Variants in ARHGAP44 observed in about 807,000 individuals in gnomAD.
ARHGAP44 encodes Rho GTPase activating protein 44.
Under a neutral mutation model 106.8 loss-of-function variants are expected in ARHGAP44, and 43 were observed. That is an observed-to-expected ratio of 0.40 (90% CI 0.32 to 0.52). The LOEUF (loss-of-function observed/expected upper bound fraction) is 0.52, where lower values mean the gene tolerates loss of function less well. ARHGAP44 is among the 20% of genes least tolerant of loss of function. The probability of loss-of-function intolerance (pLI) is 0.48; values close to 1 mark genes in which losing one functional copy is unlikely to be tolerated. For missense variants in ARHGAP44, 866 were observed against 1,050.5 expected (o/e 0.82, Z 2.43); for synonymous variants, 439 against 410.3 (o/e 1.07, Z -0.85).
At chr17:12,926,443 A>G (rs1331549985) in intron 6 of ARHGAP44, among the ~76,000 whole-genome samples, 5 of 122,836 alleles carry the variant, frequency 4.1e-5, no homozygotes, top group African/African-American at 1.4e-4. Context: ...ATATATGTAT[A>G]TACATAATAT....
chr17:12,974,331 T>C, intron 18 of ARHGAP44, 21 bp downstream of exon 18: 2 of 1,386,590 alleles, frequency 1.4e-6, no homozygotes, highest in Non-Finnish European at 1.9e-6. Flanking sequence ...GCCACTGCCG[T>C]CCGGGCGGGC....
rs1241006958 is a variant in ARHGAP44 at position 12,990,074 on chromosome 17, G to C, written c.2360G>C (p.Gly787Ala). ...ATTCCCTCGATCCACATAGAGCTCG[G>C]GTCGACGCTCCGCCTGAGTCCCCTG... is the stretch of plus-strand genomic sequence containing the variant. Reference protein sequence around the residue: ...FDIPSIHIELGSTLRLSPLEH... With the variant: ...FDIPSIHIELASTLRLSPLEH... The change falls in exon 21 of 21, where the codon GGG (glycine) becomes GCG (alanine). Residue 787 changes from glycine (G) to alanine (A), a missense_variant. Transcript: ENST00000379672. The C allele has an allele frequency of 6.2e-6, 10 of 1,612,786 alleles. No homozygotes were observed. The highest frequency in any genetic ancestry group is 6.8e-6 in the Non-Finnish European group (8 of 1,179,034).
At chr17:12,835,604 G>T (rs1224265164) in intron 1 of ARHGAP44, among the ~76,000 whole-genome samples, 2 of 134,850 alleles carry the variant, frequency 1.5e-5, no homozygotes, top group East Asian at 4.2e-4. Context: ...ACGTGGCATG[G>T]TCACAATTGC....
intron 1 of ARHGAP44, among the ~76,000 whole-genome samples, chr17:12,870,062 T>C (rs1278041201): frequency 7.0e-6 from 1 of 142,414 alleles, no homozygotes; most frequent in Non-Finnish European, 1.6e-5. Flanking sequence ...TTTTTTTTTT[T>C]TTTTGAGATA....
chr17:12,921,477 GC>G (rs1472348440), intron 6 of ARHGAP44, among the ~76,000 whole-genome samples: 1 of 152,132 alleles, frequency 6.6e-6, no homozygotes, highest in Non-Finnish European at 1.5e-5. Flanking sequence ...CTCCCAAGTA[GC>G]TGGGACTACA....
chr17:12,801,681 G>C (rs970698096), intron 1 of ARHGAP44, among the ~76,000 whole-genome samples: 5 of 152,122 alleles, frequency 3.3e-5, no homozygotes, highest in Non-Finnish European at 4.4e-5. Context: ...GTTTATGATA[G>C]GGAACAGGAT....
chr17:12,910,629 A>T (rs2037700379), intron 4 of ARHGAP44, among the ~76,000 whole-genome samples: 1 of 151,908 alleles, frequency 6.6e-6, no homozygotes, highest in Admixed American at 6.6e-5. Context: ...TATATTTAGT[A>T]GAGACAGGGT....
chr17:12,981,958 C>T (rs1391299749), intron 19 of ARHGAP44, among the ~76,000 whole-genome samples: 2 of 152,078 alleles, frequency 1.3e-5, no homozygotes, highest in Non-Finnish European at 1.5e-5. Flanking sequence ...TTGCACTGAG[C>T]CAAGATCGTG....
intron 1 of ARHGAP44, among the ~76,000 whole-genome samples, chr17:12,883,962 C>T (rs1046528683): frequency 2.6e-5 from 4 of 152,048 alleles, no homozygotes; most frequent in East Asian, 1.9e-4. Flanking sequence ...TTGTGTGATT[C>T]GTATCAGGTA....
intron 1 of ARHGAP44, among the ~76,000 whole-genome samples, chr17:12,795,044 T>G (rs1311780127): frequency 6.6e-6 from 1 of 152,156 alleles, no homozygotes; most frequent in Admixed American, 6.5e-5. Flanking sequence ...ACTGCTTTGT[T>G]CCTTCCCTTC....
chr17:12,871,231 G>A (rs765795677), intron 1 of ARHGAP44, among the ~76,000 whole-genome samples: 5 of 152,220 alleles, frequency 3.3e-5, no homozygotes, highest in Admixed American at 6.5e-5. Context: ...CAACTCTCAC[G>A]TCAAATTGTA....
At position 12,789,504 on chromosome 17, in the gene ARHGAP44, C is replaced by G. The variant is rs1162961194; in HGVS notation, c.-335C>G. On this transcript the variant is annotated 5_prime_UTR_variant, in exon 1 of 21. Coordinates refer to ENST00000379672, the MANE Select transcript of ARHGAP44 (RefSeq NM_014859.6). ...ACCGCCGGGCCAGCCGGCCAGCCAGCCTGCGGAGACTCCCGGGTCCCCGCG... is the reference window on the plus strand; with the variant it reads ...ACCGCCGGGCCAGCCGGCCAGCCAGGCTGCGGAGACTCCCGGGTCCCCGCG... The G allele has an allele frequency of 1.1e-5, 2 of 176,810 alleles. No individual in the cohort carries two copies. Among genetic ancestry groups the G allele is most frequent in the East Asian group, 3.0e-4 (2 of 6,760 alleles). 11.0% of individuals were successfully genotyped at this position (176,810 alleles called of 1,614,324 possible).
chr17:12,802,967 ATATTTTTT>A (rs2034160809), intron 1 of ARHGAP44, among the ~76,000 whole-genome samples: 6 of 31,668 alleles, frequency 1.9e-4, no homozygotes, highest in East Asian at 1.1e-3. Context: ...ATATATATAT[ATATTTTTT>A]TTTTTTTTTT....
chr17:12,989,952 C>T, intron 20 of ARHGAP44, 80 bp from the exon 21 acceptor site: 1 of 1,559,788 alleles, frequency 6.4e-7, no homozygotes, highest in Non-Finnish European at 8.8e-7. Context: ...CCTCCTAAGG[C>T]TGACATTATT....
At chr17:12,829,172 C>G (rs1597901481) in intron 1 of ARHGAP44, among the ~76,000 whole-genome samples, 1 of 152,236 alleles carries the variant, frequency 6.6e-6, no homozygotes, top group East Asian at 1.9e-4. Context: ...GGGGTCCAAA[C>G]TACCTGTTCT....
At chr17:12,828,392 G>A (rs1288834384) in intron 1 of ARHGAP44, among the ~76,000 whole-genome samples, 4 of 151,786 alleles carry the variant, frequency 2.6e-5, no homozygotes, top group Non-Finnish European at 2.9e-5. Context: ...TTTGCAATGA[G>A]GTATTTTCAT....
chr17:12,981,243 C>T (rs768937979), intron 19 of ARHGAP44, among the ~76,000 whole-genome samples: 5 of 152,128 alleles, frequency 3.3e-5, no homozygotes, highest in Non-Finnish European at 5.9e-5. Context: ...CATGCTTTCT[C>T]GACTCAGGAG....
chr17:12,925,372 T>C (rs752004830), intron 6 of ARHGAP44, among the ~76,000 whole-genome samples: 20 of 152,048 alleles, frequency 1.3e-4, no homozygotes, highest in Non-Finnish European at 2.6e-4. Flanking sequence ...TGACCACACA[T>C]TACTGCAGAG....
chr17:12,881,784 C>T (rs1004575984), intron 1 of ARHGAP44, among the ~76,000 whole-genome samples: 3 of 152,152 alleles, frequency 2.0e-5, no homozygotes, highest in African/African-American at 7.2e-5. Context: ...GCCTTGAACT[C>T]CTGGGCTCAA....
Sources: allele counts gnomAD v4.1 joint callset (sites outside exome capture counted in the v4.1 genomes callset), GRCh38; gene constraint gnomAD v4.1.1; transcripts MANE v1.5; gene names NCBI Gene and HGNC (gene_info 2026-07-23, HGNC 2026-07-21).